MYO1B: variants seen among roughly 807,000 people sequenced by gnomAD.
MYO1B encodes unconventional myosin-Ib.
In MYO1B, 72 loss-of-function variants were observed where a neutral mutation model predicts 159.7. The ratio of observed to expected loss-of-function variants is 0.45; its 90% CI spans 0.37 to 0.55. The LOEUF (loss-of-function observed/expected upper bound fraction) is 0.55. Among genes scored for constraint, MYO1B ranks in the 20% least tolerant of loss-of-function variants. MYO1B has a pLI of 0.00. For missense variants in MYO1B, 1,062 were observed against 1,364.8 expected (o/e 0.78, Z 3.50); for synonymous variants, 468 against 473.8 (o/e 0.99, Z 0.16).
rs550591912 is a variant in MYO1B at position 191,286,567 on chromosome 2, G to A, written c.135+9537G>A. 2.0e-3 allele frequency among the ~76,000 whole-genome samples: 298 copies of A among 152,228 alleles called. No individual in the cohort carries two copies. In the Middle Eastern group the frequency reaches 0.02, roughly 10 times the overall value. On this transcript the variant is annotated intron_variant, in intron 2 of 30. Transcript: ENST00000392318. The stretch of plus-strand genomic sequence containing the variant: ...GTATAGTCATTTTCTTAGTATCCTA[G>A]ACTTTTAATATTAGTTTTATTAAGA...
At chr2:191,377,351 G>A (rs1694773869) in intron 13 of MYO1B, among the ~76,000 whole-genome samples, 1 of 152,180 alleles carries the variant, frequency 6.6e-6, no homozygotes, top group African/African-American at 2.4e-5. Flanking sequence ...GGGTAAGACA[G>A]TAGAGAAAAA....
intron 3 of MYO1B, among the ~76,000 whole-genome samples, chr2:191,300,992 T>C (rs1388616080): frequency 1.3e-5 from 2 of 152,212 alleles, no homozygotes; most frequent in African/African-American, 4.8e-5. Flanking sequence ...CTTTCTGTTA[T>C]CATTTGTGGG....
intron 2 of MYO1B, among the ~76,000 whole-genome samples, chr2:191,278,547 T>A (rs1687877255): frequency 6.6e-6 from 1 of 152,204 alleles, no homozygotes; most frequent in African/African-American, 2.4e-5. Flanking sequence ...TGGGGGAAGG[T>A]TGATGGTAAC....
chr2:191,369,981 G>A (rs1694256328), intron 12 of MYO1B, among the ~76,000 whole-genome samples: 1 of 152,094 alleles, frequency 6.6e-6, no homozygotes, highest in African/African-American at 2.4e-5. Context: ...TAAAATGAGA[G>A]TGTTGGACTA....
At position 191,383,332 on chromosome 2, in the gene MYO1B, T is replaced by C; in HGVS notation, c.1343T>C (p.Leu448Pro). 3 of 1,577,674 alleles carry C rather than the reference T, an allele frequency of 1.9e-6. No individual in the cohort carries two copies. Among genetic ancestry groups the C allele is most frequent in the Non-Finnish European group, 2.6e-6 (3 of 1,163,124 alleles). ...TTCAATAATGCTATCATTTGTGACC[T>C]AATAGAAAATGTGAGTACTTAGGTA... ...DYFNNAIICD[L>P]IENNTNGILA... The change falls in exon 15 of 31, where the codon CTA becomes CCA. Residue 448 changes from leucine (L) to proline (P), a missense_variant. Physicochemically the swap from Leu to Pro is moderately conservative, Grantham distance 98. This residue lies in a region of MYO1B where 415 missense variants were observed against 544.0 expected (regional missense o/e 0.76). Coordinates refer to ENST00000392318, the MANE Select transcript of MYO1B (RefSeq NM_001130158.3).
intron 16 of MYO1B, 109 bp downstream of exon 16, chr2:191,386,193 G>T (rs1001316352): frequency 8.2e-6 from 8 of 977,788 alleles, no homozygotes; most frequent in Non-Finnish European, 1.2e-5. Context: ...AGGACAAATT[G>T]AGCTGCTAAA....
intron 8 of MYO1B, among the ~76,000 whole-genome samples, chr2:191,361,737 G>T (rs759309701): frequency 6.6e-6 from 1 of 151,824 alleles, no homozygotes; most frequent in African/African-American, 2.4e-5. Context: ...GTAGAGCTGC[G>T]GGTGTTACTT....
At chr2:191,284,820 A>C (rs1334123738) in intron 2 of MYO1B, among the ~76,000 whole-genome samples, 1 of 151,974 alleles carries the variant, frequency 6.6e-6, no homozygotes, top group African/African-American at 2.4e-5. Flanking sequence ...TTTTAGTACA[A>C]ACAGCGTTTC....
intron 30 of MYO1B, among the ~76,000 whole-genome samples, chr2:191,420,305 A>G (rs1382077020): frequency 3.3e-5 from 5 of 152,220 alleles, no homozygotes; most frequent in Admixed American, 6.5e-5. Context: ...GAAAGAAAAA[A>G]TTACCTATAA....
intron 21 of MYO1B, among the ~76,000 whole-genome samples, chr2:191,400,086 T>C (rs1696511003): frequency 6.6e-6 from 1 of 152,186 alleles, no homozygotes; most frequent in Non-Finnish European, 1.5e-5. Flanking sequence ...TTCTGAGAAC[T>C]GTTTCATCCC....
In MYO1B at chr2:191,400,730, C is replaced by T; in HGVS notation, c.2383-19C>T. The T allele has an allele frequency of 6.2e-7, 1 of 1,612,788 alleles. No individual in the cohort carries two copies. Among genetic ancestry groups the T allele is most frequent in the Non-Finnish European group, 8.5e-7 (1 of 1,179,490 alleles). ...CCTGCCTTAAACTTTTCTGTAACTC[C>T]TTTTCAAATGCATCACAGGCACGAA... is the stretch of plus-strand genomic sequence containing the variant. On this transcript the variant is annotated intron_variant, in intron 22 of 30. Coordinates refer to ENST00000392318, the MANE Select transcript of MYO1B (RefSeq NM_001130158.3).
chr2:191,400,083 A>G (rs1354967588), intron 21 of MYO1B, among the ~76,000 whole-genome samples: 3 of 152,198 alleles, frequency 2.0e-5, no homozygotes, highest in African/African-American at 7.2e-5. Flanking sequence ...CCTTTCTGAG[A>G]ACTGTTTCAT....
intron 1 of MYO1B, among the ~76,000 whole-genome samples, chr2:191,276,363 A>G (rs1171508323): frequency 6.6e-6 from 1 of 152,188 alleles, no homozygotes; most frequent in Non-Finnish European, 1.5e-5. Flanking sequence ...CAATTTTCTT[A>G]TCTTAAAGTG....
chr2:191,295,795 G>A (rs1384660814), intron 2 of MYO1B, among the ~76,000 whole-genome samples: 1 of 152,180 alleles, frequency 6.6e-6, no homozygotes, highest in Non-Finnish European at 1.5e-5. Flanking sequence ...GTTAGCAGTA[G>A]TTTGTGACAA....
At chr2:191,276,862 T>G (rs772821364) in intron 1 of MYO1B, 25 bp from the exon 2 acceptor site, 1 of 1,577,054 alleles carries the variant, frequency 6.3e-7, no homozygotes, top group African/African-American at 1.4e-5. Flanking sequence ...TCGTTTAAAT[T>G]GACCCCTTTC....
intron 4 of MYO1B, among the ~76,000 whole-genome samples, chr2:191,334,073 C>T (rs1489088858): frequency 6.6e-6 from 1 of 150,504 alleles, no homozygotes; most frequent in South Asian, 2.1e-4. Flanking sequence ...CTCTTTCATT[C>T]TTACATTCTT....
intron 1 of MYO1B, among the ~76,000 whole-genome samples, chr2:191,248,488 A>G (rs892670713): frequency 1.3e-5 from 2 of 152,184 alleles, no homozygotes; most frequent in African/African-American, 4.8e-5. Flanking sequence ...AACACAGTCC[A>G]CTGTAGAGTA....
chr2:191,390,184 A>G, intron 17 of MYO1B, 108 bp from the exon 18 acceptor site: 1 of 1,023,106 alleles, frequency 9.8e-7, no homozygotes, highest in Non-Finnish European at 1.4e-6. Context: ...TCTTAAGAAT[A>G]ACATAATTGT....
intron 3 of MYO1B, among the ~76,000 whole-genome samples, chr2:191,301,168 C>G (rs1246503454): frequency 6.6e-6 from 1 of 152,138 alleles, no homozygotes; most frequent in Non-Finnish European, 1.5e-5. Flanking sequence ...GAGCCTATAC[C>G]ACCATTTGCT....
Sources: allele counts gnomAD v4.1 joint callset (sites outside exome capture counted in the v4.1 genomes callset), GRCh38; gene constraint gnomAD v4.1.1; regional missense constraint gnomAD v4.1.1; transcripts MANE v1.5; gene names NCBI Gene and HGNC (gene_info 2026-07-23, HGNC 2026-07-21).